Variants in GRIA1 observed in about 807,000 individuals in gnomAD.
GRIA1 encodes the protein glutamate receptor 1.
Under a neutral mutation model 99.2 loss-of-function variants are expected in GRIA1, and 31 were observed. The ratio of observed to expected loss-of-function variants is 0.31; its 90% CI spans 0.23 to 0.42. The LOEUF (loss-of-function observed/expected upper bound fraction) is 0.42, where lower values mean the gene tolerates loss of function less well. Among genes scored for constraint, GRIA1 ranks in the 10% least tolerant of loss-of-function variants. GRIA1 has a pLI of 1.00. For missense variants in GRIA1, 782 were observed against 1,157.5 expected (o/e 0.68, Z 4.71); for synonymous variants, 438 against 432.4 (o/e 1.01, Z -0.16).
chr5:153,800,970 T>C (rs1765980875), intron 14 of GRIA1, among the ~76,000 whole-genome samples: 1 of 152,244 alleles, frequency 6.6e-6, no homozygotes, highest in African/African-American at 2.4e-5. Flanking sequence ...CGATGGTGTG[T>C]ACCTGTGCCA....
At chr5:153,804,309 A>C (rs1766261904) in intron 15 of GRIA1, among the ~76,000 whole-genome samples, 1 of 152,196 alleles carries the variant, frequency 6.6e-6, no homozygotes, top group Admixed American at 6.5e-5. Context: ...AACCCAATGT[A>C]GACCTCCAAG....
At chr5:153,677,519 G>A (rs1375981559) in intron 7 of GRIA1, among the ~76,000 whole-genome samples, 2 of 152,284 alleles carry the variant, frequency 1.3e-5, no homozygotes, top group African/African-American at 4.8e-5. Flanking sequence ...TGATTTTCTG[G>A]ATTTCTTCCT....
chr5:153,803,089 AG>A (rs1485738627), intron 15 of GRIA1, among the ~76,000 whole-genome samples: 1 of 152,248 alleles, frequency 6.6e-6, no homozygotes, highest in African/African-American at 2.4e-5. Flanking sequence ...AAGTGGAAAA[AG>A]AAAACAGGCT....
chr5:153,506,493 C>T (rs973682876), intron 2 of GRIA1, among the ~76,000 whole-genome samples: 1 of 152,106 alleles, frequency 6.6e-6, no homozygotes, highest in Non-Finnish European at 1.5e-5. Flanking sequence ...AATTGAAGAA[C>T]TTCATCTTAG....
At chr5:153,619,461 A>G (rs1766822794) in intron 2 of GRIA1, among the ~76,000 whole-genome samples, 1 of 152,100 alleles carries the variant, frequency 6.6e-6, no homozygotes, top group Admixed American at 6.6e-5. Context: ...CAAGAAAGGG[A>G]GCAGATGGGC....
At chr5:153,573,136 G>A (rs191005978) in intron 2 of GRIA1, 19 of 152,262 alleles carry the variant, frequency 1.2e-4, no homozygotes, top group African/African-American at 4.3e-4. Context: ...TGATTTCTTG[G>A]CCAGGACATG....
rs952642260 is a variant in GRIA1 at position 153,510,124 on chromosome 5, C to T, written c.220+16059C>T. 2.0e-5 allele frequency among the ~76,000 whole-genome samples: 3 copies of T among 151,992 alleles called. No individual in the cohort carries two copies. In the East Asian group the frequency reaches 5.8e-4, roughly 29 times the overall value. On this transcript the variant is annotated intron_variant, in intron 2 of 15. Coordinates refer to ENST00000285900, the MANE Select transcript of GRIA1 (RefSeq NM_000827.4). ...TCGAGGTCTTGCTTGGAGTCAGCTGCCTTAAAATAATAAAATAAAATTTAA... is the reference window on the plus strand; with the variant it reads ...TCGAGGTCTTGCTTGGAGTCAGCTGTCTTAAAATAATAAAATAAAATTTAA...
chr5:153,809,956 A>T (rs1462953580), intron 15 of GRIA1, among the ~76,000 whole-genome samples: 17 of 152,292 alleles, frequency 1.1e-4, no homozygotes, highest in African/African-American at 3.8e-4. Flanking sequence ...CAAGAAACCA[A>T]ACCCCACCTC....
At chr5:153,708,080 T>C (rs956022025) in intron 11 of GRIA1, among the ~76,000 whole-genome samples, 10 of 152,206 alleles carry the variant, frequency 6.6e-5, no homozygotes, top group African/African-American at 2.4e-4. Context: ...TCTCATCTTT[T>C]CACAGAACCT....
chr5:153,723,241 G>C (rs1760211304), intron 11 of GRIA1, among the ~76,000 whole-genome samples: 1 of 152,174 alleles, frequency 6.6e-6, no homozygotes, highest in East Asian at 1.9e-4. Flanking sequence ...TATCGTTAGA[G>C]ATGAAAAAGT....
intron 15 of GRIA1, among the ~76,000 whole-genome samples, chr5:153,806,806 A>G (rs1581689547): frequency 6.6e-6 from 1 of 152,346 alleles, no homozygotes; most frequent in African/African-American, 2.4e-5. Context: ...TAACCATGCA[A>G]TAAGTTGTTC....
chr5:153,709,808 A>G (rs1759182280), intron 11 of GRIA1, among the ~76,000 whole-genome samples: 1 of 152,222 alleles, frequency 6.6e-6, no homozygotes, highest in African/African-American at 2.4e-5. Context: ...CTCATTGGTC[A>G]GGACAGTGGC....
intron 4 of GRIA1, 149 bp from the exon 5 acceptor site, chr5:153,655,670 A>T: frequency 1.5e-6 from 1 of 655,058 alleles, no homozygotes; most frequent in Non-Finnish European, 2.8e-6. Flanking sequence ...TAACAATGCC[A>T]CCATCATTGG....
At chr5:153,728,046 T>C (rs1055439732) in intron 11 of GRIA1, among the ~76,000 whole-genome samples, 2 of 150,968 alleles carry the variant, frequency 1.3e-5, no homozygotes, top group African/African-American at 4.9e-5. Context: ...TATAGACCAA[T>C]GGAACAGAAC....
chr5:153,750,945 A>C (rs762528095), intron 11 of GRIA1, among the ~76,000 whole-genome samples: 7 of 152,080 alleles, frequency 4.6e-5, no homozygotes, highest in South Asian at 4.1e-4. Context: ...AAAAGTACAA[A>C]AAAAATTAGC....
chr5:153,618,568 G>A (rs1297667047), intron 2 of GRIA1, among the ~76,000 whole-genome samples: 3 of 152,164 alleles, frequency 2.0e-5, no homozygotes, highest in African/African-American at 4.8e-5. Context: ...AGGCCCAATG[G>A]AGACTTCAGG....
intron 2 of GRIA1, among the ~76,000 whole-genome samples, chr5:153,635,390 A>G (rs1474412615): frequency 6.6e-6 from 1 of 152,156 alleles, no homozygotes; most frequent in Non-Finnish European, 1.5e-5. Flanking sequence ...CTCTCCCACA[A>G]CCCACTTCTC....
intron 11 of GRIA1, among the ~76,000 whole-genome samples, chr5:153,751,564 C>G (rs1414722370): frequency 6.6e-6 from 1 of 152,188 alleles, no homozygotes; most frequent in Non-Finnish European, 1.5e-5. Flanking sequence ...ATGAGTAGTG[C>G]AACAAAGACC....
chr5:153,684,579 C>G (rs1274357583), intron 7 of GRIA1, among the ~76,000 whole-genome samples: 1 of 152,182 alleles, frequency 6.6e-6, no homozygotes, highest in African/African-American at 2.4e-5. Flanking sequence ...AGTCTACCAT[C>G]TGCACATCTA....
Sources: gnomAD v4.1 joint callset for allele counts (sites outside exome capture counted in the v4.1 genomes callset) on GRCh38, gnomAD v4.1.1 for gene constraint, MANE v1.5 for transcripts, NCBI Gene and HGNC (gene_info 2026-07-23, HGNC 2026-07-21) for gene names.